EYS: variants seen among roughly 807,000 people sequenced by gnomAD.
EYS encodes protein eyes shut homolog.
Under a neutral mutation model 282.1 loss-of-function variants are expected in EYS, and 250 were observed. The ratio of observed to expected loss-of-function variants is 0.89; its 90% CI spans 0.80 to 0.98. EYS has a LOEUF of 0.98. Ranked by LOEUF, EYS falls within the 50% of genes least tolerant of loss-of-function variation. EYS has a pLI of 0.00. For missense variants in EYS, 4,016 were observed against 3,709.0 expected (o/e 1.08, Z -2.15); for synonymous variants, 1,355 against 1,282.9 (o/e 1.06, Z -1.20).
chr6:65,391,216 C>G (rs1766016421), intron 7 of EYS, among the ~76,000 whole-genome samples: 2 of 151,972 alleles, frequency 1.3e-5, no homozygotes, highest in Admixed American at 1.3e-4. Context: ...TACAGGATAC[C>G]TCCTGTCCCC....
chr6:65,424,509 T>A (rs1767589455), intron 5 of EYS, among the ~76,000 whole-genome samples: 1 of 152,000 alleles, frequency 6.6e-6, no homozygotes, highest in African/African-American at 2.4e-5. Context: ...AATGCATTCA[T>A]CCTCTTGTGC....
intron 12 of EYS, among the ~76,000 whole-genome samples, chr6:65,181,799 G>A (rs557726377): frequency 1.3e-5 from 2 of 152,114 alleles, no homozygotes; most frequent in South Asian, 4.1e-4. Flanking sequence ...CAAAGACTTG[G>A]AACCAACCCA....
chr6:65,401,993 T>A (rs762280598), intron 7 of EYS, among the ~76,000 whole-genome samples: 9 of 151,970 alleles, frequency 5.9e-5, no homozygotes, highest in Non-Finnish European at 1.2e-4. Flanking sequence ...AAATGAGTAA[T>A]CTGTGGCAAA....
chr6:65,561,507 C>A (rs2225457), intron 2 of EYS, among the ~76,000 whole-genome samples: 81,956 of 151,848 alleles, frequency 0.54, 22,106 homozygotes, highest in East Asian at 0.7. Context: ...CCTAATTGTT[C>A]ACTCCCAGGT....
intron 34 of EYS, among the ~76,000 whole-genome samples, chr6:63,990,384 A>T (rs1192681725): frequency 1.3e-5 from 2 of 151,638 alleles, no homozygotes; most frequent in Non-Finnish European, 3.0e-5. Context: ...TATGGCATTC[A>T]TTCATTATAG....
At chr6:64,791,882 C>A (rs1248064690) in intron 22 of EYS, among the ~76,000 whole-genome samples, 1 of 151,680 alleles carries the variant, frequency 6.6e-6, no homozygotes, top group Non-Finnish European at 1.5e-5. Context: ...TTTTATAGAA[C>A]CATATGACTG....
intron 22 of EYS, among the ~76,000 whole-genome samples, chr6:64,721,689 G>A (rs1000392306): frequency 2.6e-5 from 4 of 152,070 alleles, no homozygotes; most frequent in Non-Finnish European, 4.4e-5. Flanking sequence ...AGAATAGCAC[G>A]ATAAGCCCAA....
chr6:65,702,046 T>C (rs2149853107), intron 1 of EYS, among the ~76,000 whole-genome samples: 1 of 152,298 alleles, frequency 6.6e-6, no homozygotes, highest in East Asian at 1.9e-4. Context: ...GACTGACATG[T>C]GCTTAACAAA....
intron 26 of EYS, among the ~76,000 whole-genome samples, chr6:64,466,157 T>A (rs988352408): frequency 3.3e-5 from 5 of 152,006 alleles, no homozygotes; most frequent in Admixed American, 6.6e-5. Context: ...GATAAGGATA[T>A]AAATTAGAAC....
chr6:63,960,759 G>A (rs969973061), intron 35 of EYS, among the ~76,000 whole-genome samples: 10 of 152,178 alleles, frequency 6.6e-5, no homozygotes, highest in Admixed American at 2.6e-4. Flanking sequence ...TAGTAATAAA[G>A]TATTTTTAAA....
chr6:64,096,397 G>A (rs1426620841), intron 31 of EYS, among the ~76,000 whole-genome samples: 6 of 152,164 alleles, frequency 3.9e-5, no homozygotes, highest in South Asian at 2.1e-4. Flanking sequence ...CCAATCAGAC[G>A]TAGATTTGGT....
intron 31 of EYS, among the ~76,000 whole-genome samples, chr6:64,157,631 G>A (rs1774973869): frequency 2.0e-5 from 3 of 152,072 alleles, no homozygotes; most frequent in African/African-American, 7.2e-5. Context: ...TCCAGCTGTG[G>A]CTGAAAGGGG....
In EYS at chr6:63,934,788, T is replaced by C. The variant is rs937889293; in HGVS notation, c.7055+49595A>G. Among the ~76,000 whole-genome samples the C allele has an allele frequency of 2.4e-3, 356 of 150,180 alleles. 2 individuals are homozygous for C. Among genetic ancestry groups the C allele is most frequent in the Non-Finnish European group, 4.2e-3 (281 of 67,500 alleles). On this transcript the variant is annotated intron_variant, in intron 35 of 42. Transcript: ENST00000503581. ...GGGGGAGGGTTAGCATTAGGAGATATACCTAATGTTAAATGAGGAGTTAAT... is the reference window on the plus strand; with the variant it reads ...GGGGGAGGGTTAGCATTAGGAGATACACCTAATGTTAAATGAGGAGTTAAT...
chr6:63,739,296 A>G (rs2149640757), intron 41 of EYS, among the ~76,000 whole-genome samples: 1 of 152,186 alleles, frequency 6.6e-6, no homozygotes, highest in East Asian at 1.9e-4. Flanking sequence ...TGGAAGCAAC[A>G]TGTGTGAGGG....
intron 31 of EYS, among the ~76,000 whole-genome samples, chr6:64,154,442 A>C (rs912927702): frequency 1.3e-4 from 14 of 110,310 alleles, no homozygotes; most frequent in Non-Finnish European, 2.1e-4. Context: ...CTCCGTCTCA[A>C]AAAAAAAAAA....
At chr6:65,057,806 A>G in intron 12 of EYS, 79 bp from the exon 13 acceptor site, 1 of 986,138 alleles carries the variant, frequency 1.0e-6, no homozygotes, top group South Asian at 1.4e-5. Flanking sequence ...AATTTGCACA[A>G]GCCTTTAATC....
At chr6:64,962,549 G>T (rs545859701) in intron 14 of EYS, among the ~76,000 whole-genome samples, 67 of 151,420 alleles carry the variant, frequency 4.4e-4, no homozygotes, top group Admixed American at 1.6e-3. Flanking sequence ...GGGCAACATA[G>T]GAAGACACCC....
At position 65,629,479 on chromosome 6, in the gene EYS, A is replaced by AT. The variant is rs1582541539; in HGVS notation, c.-333+10298dup. Among the ~76,000 whole-genome samples, 4 of 152,312 alleles carry AT rather than the reference A, an allele frequency of 2.6e-5. No individual in the cohort carries two copies. The East Asian group carries it at 7.7e-4, about 29-fold the overall frequency. On this transcript the variant is annotated intron_variant, in intron 2 of 42. Coordinates refer to ENST00000503581, the MANE Select transcript of EYS (RefSeq NM_001142800.2). ...AGGTAGGATATCTGAAGTTAGAATC[A>AT]TAAGACTTTTAAGAATCCTGAATTC...
chr6:65,218,936 G>C (rs16896407), intron 12 of EYS, among the ~76,000 whole-genome samples: 2,802 of 152,006 alleles, frequency 0.018, 102 homozygotes, highest in East Asian at 0.13. Flanking sequence ...AACAGTGATA[G>C]AAATCAAGAT....
Sources: allele counts gnomAD v4.1 joint callset (sites outside exome capture counted in the v4.1 genomes callset), GRCh38; gene constraint gnomAD v4.1.1; transcripts MANE v1.5; gene names NCBI Gene and HGNC (gene_info 2026-07-23, HGNC 2026-07-21).